Variants in NBAS observed in about 807,000 individuals in gnomAD.
The protein encoded by NBAS is NAG/BC035112 fusion.
NBAS carries 219 observed loss-of-function variants against 302.5 expected under a neutral mutation model. The observed-to-expected ratio is 0.72, with a 90% CI of 0.65 to 0.81. NBAS has a LOEUF of 0.81. NBAS is among the 30% of genes least tolerant of loss of function. The pLI is 0.00. For synonymous variants in NBAS, 1,118 were observed against 1,021.6 expected (o/e 1.09, Z -1.80); for missense variants, 2,932 against 2,841.6 (o/e 1.03, Z -0.72).
At chr2:14,843,190 G>A in the NBAS span, among the ~76,000 whole-genome samples, 8 of 152,104 alleles carry the variant, frequency 5.3e-5, no homozygotes, top group Non-Finnish European at 7.4e-5. Context: ...GGCCATCTAT[G>A]ACAAATCCAC....
At chr2:15,302,059 G>A (rs1386370547) in intron 40 of NBAS, among the ~76,000 whole-genome samples, 1 of 152,214 alleles carries the variant, frequency 6.6e-6, no homozygotes, top group Admixed American at 6.5e-5. Flanking sequence ...TGTTCACGAG[G>A]CTGTCGCAGG....
chr2:15,382,158 G>A (rs964464046), intron 29 of NBAS, among the ~76,000 whole-genome samples: 1 of 152,082 alleles, frequency 6.6e-6, no homozygotes, highest in Admixed American at 6.6e-5. Flanking sequence ...CACAGAAAAT[G>A]GAAATATATA....
intron 42 of NBAS, among the ~76,000 whole-genome samples, chr2:15,282,119 C>A (rs1415614106): frequency 6.6e-6 from 1 of 152,108 alleles, no homozygotes; most frequent in Non-Finnish European, 1.5e-5. Context: ...AAATATTTCC[C>A]CTGGTCTTGT....
intron 40 of NBAS, among the ~76,000 whole-genome samples, chr2:15,295,898 A>G (rs1315907242): frequency 6.6e-6 from 1 of 152,094 alleles, no homozygotes; most frequent in Non-Finnish European, 1.5e-5. Flanking sequence ...GAATGTCAAT[A>G]GCACATCCTC....
At chr2:15,510,222 A>G (rs1662076574) in intron 10 of NBAS, among the ~76,000 whole-genome samples, 1 of 152,260 alleles carries the variant, frequency 6.6e-6, no homozygotes, top group African/African-American at 2.4e-5. Context: ...GATGGTAAAC[A>G]TAATTAGTAT....
the NBAS span, among the ~76,000 whole-genome samples, chr2:14,842,864 A>C: frequency 4.0e-5 from 6 of 150,808 alleles, no homozygotes; most frequent in East Asian, 1.9e-4. Context: ...AAAAAAAAAA[A>C]CATATACAGC....
chr2:15,289,524 C>G (rs1285815561), intron 41 of NBAS, among the ~76,000 whole-genome samples: 1 of 152,116 alleles, frequency 6.6e-6, no homozygotes, highest in African/African-American at 2.4e-5. Flanking sequence ...GGCACATTGC[C>G]TGGCACAAGA....
At chr2:14,912,932 G>A in the NBAS span, among the ~76,000 whole-genome samples, 2 of 152,116 alleles carry the variant, frequency 1.3e-5, no homozygotes, top group Non-Finnish European at 2.9e-5. Flanking sequence ...CTCATTTCCT[G>A]CCCGTATGAA....
chr2:15,034,303 A>AGAAAGATG, the NBAS span, among the ~76,000 whole-genome samples: 2 of 127,776 alleles, frequency 1.6e-5, no homozygotes, highest in African/African-American at 3.2e-5. Context: ...AAAGAAAGAA[A>AGAAAGATG]GATGGAGAGA....
the NBAS span, among the ~76,000 whole-genome samples, chr2:14,809,404 G>T: frequency 6.6e-6 from 1 of 152,226 alleles, no homozygotes; most frequent in African/African-American, 2.4e-5. Flanking sequence ...AGCCACTCTA[G>T]CCATGGCTAA....
the NBAS span, among the ~76,000 whole-genome samples, chr2:14,782,670 A>G: frequency 6.6e-6 from 1 of 152,332 alleles, no homozygotes; most frequent in East Asian, 1.9e-4. Context: ...TGTTCACTGT[A>G]GCACTATTCA....
chr2:15,025,428 G>A, the NBAS span, among the ~76,000 whole-genome samples: 1 of 152,250 alleles, frequency 6.6e-6, no homozygotes, highest in Middle Eastern at 3.4e-3. Context: ...CTTTTGCTTA[G>A]GATTGCTTTA....
chr2:14,820,648 T>C, the NBAS span, among the ~76,000 whole-genome samples: 1 of 152,192 alleles, frequency 6.6e-6, no homozygotes, highest in Admixed American at 6.5e-5. Flanking sequence ...TTTAACTGTA[T>C]ATTTTAAAAT....
At chr2:15,212,156 G>T (rs36048385) in intron 48 of NBAS, among the ~76,000 whole-genome samples, 13,777 of 152,120 alleles carry the variant, frequency 0.091, 704 homozygotes, top group East Asian at 0.14. Flanking sequence ...CCTCTTGTTT[G>T]TTCGCAGCTA....
chr2:14,995,395 G>A, the NBAS span, among the ~76,000 whole-genome samples: 1 of 152,168 alleles, frequency 6.6e-6, no homozygotes, highest in Non-Finnish European at 1.5e-5. Context: ...GGAAAAATCT[G>A]CATTTTAAAC....
At chr2:15,335,728 C>T (rs183783726) in intron 35 of NBAS, among the ~76,000 whole-genome samples, 1 of 152,232 alleles carries the variant, frequency 6.6e-6, no homozygotes, top group Non-Finnish European at 1.5e-5. Flanking sequence ...GGATACACAT[C>T]CCTTATTAGA....
chr2:15,121,672 C>T, the NBAS span, among the ~76,000 whole-genome samples: 26 of 151,992 alleles, frequency 1.7e-4, no homozygotes, highest in Admixed American at 3.9e-4. Flanking sequence ...GTCTTTGTCA[C>T]CATAGACATG....
chr2:15,329,812 C>T (rs971994024), intron 36 of NBAS, among the ~76,000 whole-genome samples: 1 of 152,168 alleles, frequency 6.6e-6, no homozygotes, highest in African/African-American at 2.4e-5. Flanking sequence ...TCTGAAAAAC[C>T]TAACTTCTCT....
At chr2:14,802,664 A>G in the NBAS span, among the ~76,000 whole-genome samples, 1 of 150,992 alleles carries the variant, frequency 6.6e-6, no homozygotes, top group Non-Finnish European at 1.5e-5. Context: ...GATAGACTGG[A>G]TTAAGAAAAT....
Sources: gnomAD v4.1 joint callset for allele counts (sites outside exome capture counted in the v4.1 genomes callset) on GRCh38, gnomAD v4.1.1 for gene constraint, MANE v1.5 for transcripts, NCBI Gene and HGNC (gene_info 2026-07-23, HGNC 2026-07-21) for gene names.